INPP4B: variants seen among roughly 807,000 people sequenced by gnomAD.
The protein encoded by INPP4B is inositol polyphosphate-4-phosphatase type II B.
A neutral mutation model predicts 122.5 loss-of-function variants in INPP4B; 55 were observed. The observed-to-expected ratio is 0.45, with a 90% CI of 0.36 to 0.56. INPP4B has a LOEUF of 0.56. Among genes scored for constraint, INPP4B ranks in the 20% least tolerant of loss-of-function variants. The pLI is 0.00. For synonymous variants in INPP4B, 403 were observed against 388.7 expected, an observed-to-expected ratio of 1.04 and a Z score of -0.43; for missense variants, 1,000 against 1,097.7, an observed-to-expected ratio of 0.91 and a Z score of 1.26.
chr4:142,323,595 G>A (rs958089746), intron 7 of INPP4B, among the ~76,000 whole-genome samples: 3 of 151,696 alleles, frequency 2.0e-5, no homozygotes, highest in Non-Finnish European at 4.4e-5. Context: ...ACAGGCACCC[G>A]CCACCACGCC....
Position 142,112,666 on chromosome 4 carries a change from C to T in INPP4B, c.2152G>A (p.Glu718Lys). Reference sequence around the variant, plus strand: ...AACATTCTGGCTGGAAGCTTGACCTCTACCACGTAATGTTCTCTAAAGAAG... The same window carrying T: ...AACATTCTGGCTGGAAGCTTGACCTTTACCACGTAATGTTCTCTAAAGAAG... ...ITGRREHYVV[E>K]VKLPARMFES... is the part of the protein sequence containing the mutation. The change falls in exon 22 of 26, where the codon GAG becomes AAG. Residue 718 changes from glutamate (E) to lysine (K), a missense_variant. By Grantham distance (56) the Glu-to-Lys change is moderately conservative. Transcript: ENST00000262992. The T allele has an allele frequency of 6.2e-7, 1 of 1,612,204 alleles. No homozygotes were observed. The highest frequency in any genetic ancestry group is 8.5e-7 in the Non-Finnish European group (1 of 1,179,264).
intron 2 of INPP4B, among the ~76,000 whole-genome samples, chr4:142,646,904 G>C (rs1751906709): frequency 6.6e-6 from 1 of 152,128 alleles, no homozygotes; most frequent in South Asian, 2.1e-4. Flanking sequence ...AAGGAAAATA[G>C]AAAGATTTAC....
intron 25 of INPP4B, among the ~76,000 whole-genome samples, chr4:142,053,154 C>T (rs1022836612): frequency 4.6e-5 from 7 of 151,866 alleles, no homozygotes; most frequent in African/African-American, 1.7e-4. Context: ...ACAGGGACTG[C>T]GTGTGAAAAG....
At chr4:142,608,023 A>G (rs777095453) in intron 2 of INPP4B, among the ~76,000 whole-genome samples, 3 of 152,132 alleles carry the variant, frequency 2.0e-5, no homozygotes, top group Non-Finnish European at 2.9e-5. Flanking sequence ...CTGCCACCCC[A>G]AAGATTTTCC....
intron 2 of INPP4B, among the ~76,000 whole-genome samples, chr4:142,574,450 G>A (rs1474289770): frequency 6.6e-6 from 1 of 151,982 alleles, no homozygotes; most frequent in Non-Finnish European, 1.5e-5. Flanking sequence ...TCTCTCTCAT[G>A]TGGGCATTAT....
At chr4:142,397,576 G>A (rs774846602) in intron 7 of INPP4B, among the ~76,000 whole-genome samples, 2 of 152,018 alleles carry the variant, frequency 1.3e-5, no homozygotes, top group Admixed American at 6.5e-5. Context: ...GTGATGACTC[G>A]TGCCTGTAAT....
intron 1 of INPP4B, among the ~76,000 whole-genome samples, chr4:142,828,482 T>C (rs1781711458): frequency 6.6e-6 from 1 of 152,188 alleles, no homozygotes; most frequent in Non-Finnish European, 1.5e-5. Flanking sequence ...TTCTTTTACA[T>C]GAGTCCAAGG....
At chr4:142,689,134 T>G (rs1455250273) in intron 2 of INPP4B, among the ~76,000 whole-genome samples, 1 of 152,156 alleles carries the variant, frequency 6.6e-6, no homozygotes, top group Non-Finnish European at 1.5e-5. Flanking sequence ...AAACTCTTTC[T>G]CTATTGCAAT....
At chr4:142,572,762 A>C (rs1353773039) in intron 2 of INPP4B, among the ~76,000 whole-genome samples, 1 of 152,030 alleles carries the variant, frequency 6.6e-6, no homozygotes, top group Non-Finnish European at 1.5e-5. Context: ...GAGAAAAACA[A>C]TAATTATCTT....
chr4:142,177,890 T>C (rs981625028), intron 15 of INPP4B, among the ~76,000 whole-genome samples: 2 of 152,178 alleles, frequency 1.3e-5, no homozygotes, highest in African/African-American at 4.8e-5. Context: ...AGTCCCTTTT[T>C]CCTGGTCTTC....
intron 2 of INPP4B, among the ~76,000 whole-genome samples, chr4:142,604,958 A>G (rs963612288): frequency 1.4e-4 from 21 of 152,258 alleles, no homozygotes; most frequent in African/African-American, 4.8e-4. Flanking sequence ...ACACTACCTA[A>G]TTTCAAAACC....
intron 9 of INPP4B, among the ~76,000 whole-genome samples, chr4:142,281,586 G>T (rs961279452): frequency 1.3e-5 from 2 of 151,876 alleles, no homozygotes; most frequent in Non-Finnish European, 1.5e-5. Flanking sequence ...TTAATGGTAG[G>T]AAAGAATGCA....
intron 2 of INPP4B, among the ~76,000 whole-genome samples, chr4:142,553,589 A>T (rs925593772): frequency 1.3e-5 from 2 of 152,164 alleles, no homozygotes; most frequent in African/African-American, 2.4e-5. Context: ...TTTCCTTCAG[A>T]TGGGATATGC....
At chr4:142,831,970 C>A (rs756477621) in intron 1 of INPP4B, among the ~76,000 whole-genome samples, 3 of 152,148 alleles carry the variant, frequency 2.0e-5, no homozygotes, top group Non-Finnish European at 4.4e-5. Context: ...CACCATCCAG[C>A]GTAAACAAAC....
At chr4:142,341,763 A>C (rs554675042) in intron 7 of INPP4B, among the ~76,000 whole-genome samples, 1 of 151,926 alleles carries the variant, frequency 6.6e-6, no homozygotes, top group Non-Finnish European at 1.5e-5. Context: ...TATAGTAAGT[A>C]GCCATTCTGG....
At chr4:142,126,973 T>C (rs1252832727) in intron 18 of INPP4B, among the ~76,000 whole-genome samples, 5 of 152,142 alleles carry the variant, frequency 3.3e-5, no homozygotes, top group Middle Eastern at 3.2e-3. Context: ...AGATGTAAAT[T>C]TTAAACGATA....
chr4:142,249,002 T>A (rs1002725830), intron 11 of INPP4B, among the ~76,000 whole-genome samples: 2 of 151,936 alleles, frequency 1.3e-5, no homozygotes, highest in Non-Finnish European at 2.9e-5. Flanking sequence ...ATCTAGTATC[T>A]TCTTCAAAAC....
intron 3 of INPP4B, among the ~76,000 whole-genome samples, chr4:142,441,187 C>T (rs1057333243): frequency 5.3e-5 from 8 of 152,022 alleles, no homozygotes; most frequent in African/African-American, 1.9e-4. Context: ...AAAGACTGTA[C>T]TGAAAGGTGG....
chr4:142,526,268 G>A (rs1826900965), intron 2 of INPP4B, among the ~76,000 whole-genome samples: 1 of 151,964 alleles, frequency 6.6e-6, no homozygotes, highest in African/African-American at 2.4e-5. Flanking sequence ...ATTTCATCTT[G>A]TATCCAATAG....
Sources: allele counts gnomAD v4.1 joint callset (sites outside exome capture counted in the v4.1 genomes callset), GRCh38; gene constraint gnomAD v4.1.1; transcripts MANE v1.5; gene names NCBI Gene and HGNC (gene_info 2026-07-23, HGNC 2026-07-21).